SRBD1: variants seen among roughly 807,000 people sequenced by gnomAD.
SRBD1 encodes the protein S1 RNA-binding domain-containing protein 1.
In SRBD1, 88 loss-of-function variants were observed where a neutral mutation model predicts 115.3. The observed-to-expected ratio is 0.76, with a 90% CI of 0.64 to 0.91. SRBD1 has a LOEUF of 0.91. Ranked by LOEUF, SRBD1 falls within the 40% of genes least tolerant of loss-of-function variation. SRBD1 has a pLI of 0.00. For synonymous variants in SRBD1, 509 were observed against 407.7 expected (o/e 1.25, Z -2.99); for missense variants, 1,385 against 1,177.4 (o/e 1.18, Z -2.58).
In SRBD1 at chr2:45,581,860, C is replaced by G. The variant is rs1673376174; in HGVS notation, c.816-50G>C. On this transcript the variant is annotated intron_variant, in intron 5 of 20. Coordinates refer to ENST00000263736, the MANE Select transcript of SRBD1 (RefSeq NM_018079.5). The stretch of plus-strand genomic sequence containing the variant: ...TACCAAAACTGTATGTCAAAACTTT[C>G]TTTTCAAAGCTACCTCAAACTTACA... The G allele has an allele frequency of 3.5e-6, 5 of 1,417,692 alleles. No homozygotes were observed. The African/African-American group carries it at 4.3e-5, about 12-fold the overall frequency. The allele number at this position is 1,417,692 out of a possible 1,614,324, so 87.8% of individuals were successfully genotyped here. A position where few individuals can be genotyped will look rare whatever the true frequency, so the allele number is the denominator to read the frequency against.
In SRBD1 at chr2:45,574,735, G is replaced by A. The variant is rs752995270; in HGVS notation, c.1073-12C>T. The stretch of plus-strand genomic sequence containing the variant: ...AAGCGTTGAAAGCCCTTTAGGAGAA[G>A]GGTAAAAAGGAAAACAAAAACAAAA... On this transcript the variant is annotated splice_polypyrimidine_tract_variant and intron_variant, in intron 7 of 20. Transcript: ENST00000263736. The A allele has an allele frequency of 6.9e-6, 11 of 1,589,216 alleles. No homozygotes were observed. Among genetic ancestry groups the A allele is most frequent in the African/African-American group, 4.1e-5 (3 of 73,140 alleles).
chr2:45,402,375 C>T (rs1165803325), intron 19 of SRBD1, among the ~76,000 whole-genome samples: 2 of 152,132 alleles, frequency 1.3e-5, no homozygotes, highest in African/African-American at 4.8e-5. Context: ...TTTACATTGA[C>T]GGCTGTCTAC....
At chr2:45,535,373 G>C (rs748840754) in intron 14 of SRBD1, among the ~76,000 whole-genome samples, 3 of 152,122 alleles carry the variant, frequency 2.0e-5, no homozygotes, top group Non-Finnish European at 4.4e-5. Flanking sequence ...GAAACGCATG[G>C]TGATGTCCAG....
rs1439758771 is a variant in SRBD1, at chr2:45,415,449, CAA to C, written c.2334-2158_2334-2157del. Among the ~76,000 whole-genome samples the C allele has an allele frequency of 4.5e-4, 64 of 141,336 alleles. 1 individual carries two copies. The highest frequency in any genetic ancestry group is 1.5e-3 in the African/African-American group (59 of 38,598). 92.7% of individuals were successfully genotyped at this position (141,336 alleles called of 152,430 possible). On this transcript the variant is annotated intron_variant, in intron 18 of 20. Transcript: ENST00000263736. ...TGTGTATATACACACATTTAAAAAA[CAA>C]AAATATACATCTATAAGAATATATT... is the stretch of plus-strand genomic sequence containing the variant.
chr2:45,422,851 T>C (rs1221012063), intron 16 of SRBD1, among the ~76,000 whole-genome samples: 1 of 152,210 alleles, frequency 6.6e-6, no homozygotes, highest in Non-Finnish European at 1.5e-5. Flanking sequence ...AACTGTAATA[T>C]TTTAACTGAT....
At chr2:45,448,485 G>A (rs374379814) in intron 16 of SRBD1, among the ~76,000 whole-genome samples, 19 of 152,212 alleles carry the variant, frequency 1.2e-4, no homozygotes, top group African/African-American at 4.6e-4. Context: ...GCACAGAGCT[G>A]GAAAAATGCA....
Position 45,579,982 on chromosome 2 carries a change from G to C in SRBD1, c.965C>G (p.Thr322Ser). ...CAACTGTCTTGCTCTCTGGGCTTTA[G>C]TCCCTTTGCTTCCAGTTTTATATGG... ...SAPYKTGSKG[T>S]KAQRARQLGL... The change falls in exon 7 of 21, where the codon ACT becomes AGT. Residue 322 changes from threonine (T) to serine (S), a missense_variant. By Grantham distance (58) the Thr-to-Ser change is moderately conservative. Coordinates refer to ENST00000263736, the MANE Select transcript of SRBD1 (RefSeq NM_018079.5). 1 of 1,592,610 alleles carries C rather than the reference G, an allele frequency of 6.3e-7. No homozygotes were observed. Among genetic ancestry groups the C allele is most frequent in the Non-Finnish European group, 8.5e-7 (1 of 1,171,844 alleles).
intron 16 of SRBD1, among the ~76,000 whole-genome samples, chr2:45,474,175 C>G (rs1038592938): frequency 2.6e-5 from 4 of 152,166 alleles, no homozygotes; most frequent in African/African-American, 7.2e-5. Context: ...CTCTATGAAT[C>G]TTACTTTTAC....
In SRBD1 at chr2:45,574,678, A is replaced by T. The variant is rs1309363209; in HGVS notation, c.1118T>A (p.Leu373Ter). The change falls in exon 8 of 21, where the codon TTA becomes TAA. Residue 373 changes from leucine (L) to a stop codon, truncating the protein, a stop_gained. Coordinates refer to ENST00000263736, the MANE Select transcript of SRBD1 (RefSeq NM_018079.5). LOFTEE classifies it high-confidence loss of function. ...QDIEIGVQHI[L>*]ADMIAKDKDT... ...TTTGTCTTTAGCAATCATATCTGCTAAAATATGCTGCACTCCTATTTCAAT... is the reference window on the plus strand; with the variant it reads ...TTTGTCTTTAGCAATCATATCTGCTTAAATATGCTGCACTCCTATTTCAAT... 6 of 1,613,792 alleles carry T rather than the reference A, an allele frequency of 3.7e-6. No individual in the cohort carries two copies. Among genetic ancestry groups the T allele is most frequent in the Non-Finnish European group, 4.2e-6 (5 of 1,179,896 alleles).
Position 45,599,889 on chromosome 2 carries a change from T to G in SRBD1, c.262-54A>C, listed in dbSNP as rs910515082. On this transcript the variant is annotated intron_variant, in intron 3 of 20. Coordinates refer to ENST00000263736, the MANE Select transcript of SRBD1 (RefSeq NM_018079.5). The stretch of plus-strand genomic sequence containing the variant: ...AATTAGAAGATAAAAAGCAATTTCC[T>G]GGGACTATTACTCACAAATAAAAGT... The G allele has an allele frequency of 1.6e-5, 24 of 1,527,056 alleles. No individual in the cohort carries two copies. In the Admixed American group the frequency reaches 1.9e-4, roughly 12 times the overall value. 94.6% of individuals were successfully genotyped at this position (1,527,056 alleles called of 1,614,324 possible). A position where few individuals can be genotyped will look rare whatever the true frequency, so the allele number is the denominator to read the frequency against.
intron 4 of SRBD1, among the ~76,000 whole-genome samples, chr2:45,586,274 T>G (rs956674208): frequency 6.6e-6 from 1 of 152,208 alleles, no homozygotes; most frequent in Admixed American, 6.5e-5. Context: ...TAATAATTTT[T>G]TTTTGAAGAA....
intron 14 of SRBD1, among the ~76,000 whole-genome samples, chr2:45,495,285 A>T (rs1423241385): frequency 6.6e-6 from 1 of 152,228 alleles, no homozygotes; most frequent in African/African-American, 2.4e-5. Flanking sequence ...CTTCACAGAG[A>T]TGACAAACTC....
Position 45,418,090 on chromosome 2 carries a change from T to C in SRBD1, c.2333+275A>G, listed in dbSNP as rs146354835. Among the ~76,000 whole-genome samples, 350 of 152,332 alleles carry C rather than the reference T, an allele frequency of 2.3e-3. 3 individuals are homozygous for C. The highest frequency in any genetic ancestry group is 8.3e-3 in the African/African-American group (344 of 41,558). The stretch of plus-strand genomic sequence containing the variant: ...GTGTCACATATCCCTGCTTTAATTT[T>C]TATAGCACTTCTTGCCATCTGAAAG... On this transcript the variant is annotated intron_variant, in intron 18 of 20. Transcript: ENST00000263736.
At chr2:45,539,404 T>C (rs1396703863) in intron 14 of SRBD1, among the ~76,000 whole-genome samples, 2 of 152,176 alleles carry the variant, frequency 1.3e-5, no homozygotes, top group Middle Eastern at 3.4e-3. Context: ...ACCTAAGATA[T>C]AGATGTTAAC....
At chr2:45,462,813 G>A (rs757910182) in intron 16 of SRBD1, among the ~76,000 whole-genome samples, 2 of 151,960 alleles carry the variant, frequency 1.3e-5, no homozygotes, top group Middle Eastern at 3.4e-3. Context: ...GCAACAGAGC[G>A]AGACTGCATC....
Position 45,419,892 on chromosome 2 carries a change from A to G in SRBD1, c.2052T>C (p.His684=). Residue 684 remains histidine (H), a splice_region_variant and synonymous_variant, in exon 17 of 21, where the codon CAT becomes CAC. Transcript: ENST00000263736. Reference sequence around the variant, plus strand: ...CCTTGAGTAAAGTCTGGGATACGTCATGCTGAAAAGACAAAGATCAAATAT... The same window carrying G: ...CCTTGAGTAAAGTCTGGGATACGTCGTGCTGAAAAGACAAAGATCAAATAT... ...PKHIGVGMYQ[H]DVSQTLLKAT... is the part of the protein sequence containing the mutation. 1.2e-6 allele frequency: 2 copies of G among 1,612,596 alleles called. No homozygotes were observed. Among genetic ancestry groups the G allele is most frequent in the Non-Finnish European group, 1.7e-6 (2 of 1,179,400 alleles).
intron 18 of SRBD1, 112 bp from the exon 19 acceptor site, chr2:45,413,405 C>A: frequency 1.6e-6 from 2 of 1,263,828 alleles, no homozygotes; most frequent in Non-Finnish European, 2.2e-6. Flanking sequence ...AAAACAGCAA[C>A]CAGATTTTGA....
chr2:45,428,062 A>G (rs1017016005), intron 16 of SRBD1, among the ~76,000 whole-genome samples: 2 of 152,204 alleles, frequency 1.3e-5, no homozygotes, highest in Non-Finnish European at 1.5e-5. Flanking sequence ...TCTCAGCACC[A>G]CATCGCACTT....
chr2:45,562,158 CTTATT>C (rs1000130664), intron 10 of SRBD1, among the ~76,000 whole-genome samples: 8 of 152,188 alleles, frequency 5.3e-5, no homozygotes, highest in African/African-American at 1.4e-4. Context: ...GACACACATA[CTTATT>C]TTATTATTTT....
Sources: gnomAD v4.1 joint callset for allele counts (sites outside exome capture counted in the v4.1 genomes callset) on GRCh38, gnomAD v4.1.1 for gene constraint, MANE v1.5 for transcripts, NCBI Gene and HGNC (gene_info 2026-07-23, HGNC 2026-07-21) for gene names.